Variants in FBXO8 observed in about 807,000 individuals in gnomAD.
FBXO8 encodes the protein F-box only protein 8.
In FBXO8, 15 loss-of-function variants were observed where a neutral mutation model predicts 33.4. The observed-to-expected ratio is 0.45, with a 90% CI of 0.30 to 0.69. The LOEUF (loss-of-function observed/expected upper bound fraction) is 0.69, where lower values mean the gene tolerates loss of function less well. FBXO8 is among the 30% of genes least tolerant of loss of function. The pLI is 0.08. For synonymous variants in FBXO8, 132 were observed against 131.5 expected (o/e 1.00, Z -0.02); for missense variants, 274 against 380.3 (o/e 0.72, Z 2.32).
rs1421662308 is a variant in FBXO8 at position 174,270,395 on chromosome 4, T to G, written c.-8-7295A>C. 6.6e-6 allele frequency among the ~76,000 whole-genome samples: 1 copy of G among 152,124 alleles called. No individual in the cohort carries two copies. The highest frequency in any genetic ancestry group is 2.4e-5 in the African/African-American group (1 of 41,408). ...TATTTATCTAGAAGACTGCATAAAG[T>G]TTCCTACTTAGCTAAAGGTCCTTTT... On this transcript the variant is annotated intron_variant, in intron 1 of 5. Coordinates refer to ENST00000393674, the MANE Select transcript of FBXO8 (RefSeq NM_012180.3). This position sits in a 1 kb window ranked among gnomAD's most constrained non-coding sequence, Gnocchi z 4.6.
chr4:174,248,073 CAGA>C (rs963757560), intron 3 of FBXO8, among the ~76,000 whole-genome samples: 12 of 151,972 alleles, frequency 7.9e-5, no homozygotes, highest in Admixed American at 2.0e-4. Flanking sequence ...GAAATAAGCG[CAGA>C]AGATTTCTTA....
In FBXO8 at chr4:174,254,111, A is replaced by T. The variant is rs377021293; in HGVS notation, c.456+5588T>A. Among the ~76,000 whole-genome samples, 3 of 152,222 alleles carry T rather than the reference A, an allele frequency of 2.0e-5. No individual in the cohort carries two copies. In the East Asian group the frequency reaches 5.8e-4, roughly 29 times the overall value. ...CATACAGGGAGAAGTGGGTACTGCA[A>T]GAAGCCAGTCATAAAATGTGGAACA... On this transcript the variant is annotated intron_variant, in intron 3 of 5. Coordinates refer to ENST00000393674, the MANE Select transcript of FBXO8 (RefSeq NM_012180.3). The surrounding 1 kb of genome is among the most constrained non-coding windows in gnomAD (Gnocchi z 4.2).
chr4:174,279,967 G>C (rs1737041220), intron 1 of FBXO8, among the ~76,000 whole-genome samples: 1 of 151,790 alleles, frequency 6.6e-6, no homozygotes, highest in South Asian at 2.1e-4. Flanking sequence ...AAATGCACAA[G>C]CAACAAAAGA....
In FBXO8 at chr4:174,262,807, A is replaced by G; in HGVS notation, c.286T>C (p.Cys96Arg). The G allele has an allele frequency of 3.1e-6, 5 of 1,614,000 alleles. No individual in the cohort carries two copies. The highest frequency in any genetic ancestry group is 3.4e-6 in the Non-Finnish European group (4 of 1,179,910). The change falls in exon 2 of 6, where the codon TGT becomes CGT. Residue 96 changes from cysteine (C) to arginine (R), a missense_variant. Cys to Arg is a radical substitution (Grantham distance 180, BLOSUM62 -3). This residue lies in a region of FBXO8 where 186 missense variants were observed against 293.4 expected (regional missense o/e 0.63). Transcript: ENST00000393674. This position sits in a 1 kb window ranked among gnomAD's most constrained non-coding sequence, Gnocchi z 4.6. ...LNATDLCLAS[C>R]VWQDLANDEL... is the part of the protein sequence containing the mutation. ...TCATTCGCAAGGTCCTGCCAAACAC[A>G]TGAAGCCAAGCAAAGGTCAGTTGCA...
Position 174,251,449 on chromosome 4 carries a change from G to A in FBXO8, c.456+8250C>T, listed in dbSNP as rs1232545483. Among the ~76,000 whole-genome samples the A allele has an allele frequency of 6.6e-6, 1 of 152,130 alleles. No individual in the cohort carries two copies. The highest frequency in any genetic ancestry group is 1.5e-5 in the Non-Finnish European group (1 of 68,008). On this transcript the variant is annotated intron_variant, in intron 3 of 5. Transcript: ENST00000393674. This position sits in a 1 kb window ranked among gnomAD's most constrained non-coding sequence, Gnocchi z 4.2. ...CTGATTCTACACCACATGTTGGAGT[G>A]ACTCTGGGAGAAAAGGGAAAAGGAG...
rs139434883 is a variant in FBXO8 at position 174,253,601 on chromosome 4, G to A, written c.456+6098C>T. On this transcript the variant is annotated intron_variant, in intron 3 of 5. Transcript: ENST00000393674. The surrounding 1 kb of genome is among the most constrained non-coding windows in gnomAD (Gnocchi z 4.5). ...CACTAGTTAAAATGGCGTTACAGAT[G>A]CTTGGATGCCTTAACAAAGGCCATT... Among the ~76,000 whole-genome samples, 407 of 152,290 alleles carry A rather than the reference G, an allele frequency of 2.7e-3. No individual in the cohort carries two copies. The highest frequency in any genetic ancestry group is 9.5e-3 in the African/African-American group (395 of 41,564).
intron 3 of FBXO8, among the ~76,000 whole-genome samples, chr4:174,244,487 TTAATC>T (rs892455014): frequency 3.3e-5 from 5 of 151,698 alleles, no homozygotes; most frequent in African/African-American, 4.8e-5. Flanking sequence ...ATTTGACCGT[TTAATC>T]TATACACATT....
rs113313634 is a variant in FBXO8, at chr4:174,236,923, G to C, written c.*489C>G. On this transcript the variant is annotated 3_prime_UTR_variant, in exon 6 of 6. Coordinates refer to ENST00000393674, the MANE Select transcript of FBXO8 (RefSeq NM_012180.3). ...GTCTGAAGTCAGATCTAACTTTTACGAAGACAATAGTTTCAGATCAGAATC... is the reference window on the plus strand; with the variant it reads ...GTCTGAAGTCAGATCTAACTTTTACCAAGACAATAGTTTCAGATCAGAATC... 6.6e-6 allele frequency: 1 copy of C among 152,066 alleles called. No homozygotes were observed. Among genetic ancestry groups the C allele is most frequent in the South Asian group, 2.1e-4 (1 of 4,832 alleles). 9.4% of individuals were successfully genotyped at this position (152,066 alleles called of 1,614,324 possible).
chr4:174,274,667 T>C lies in FBXO8; in HGVS notation c.-9+8743A>G, dbSNP rs753283651. 2.0e-5 allele frequency among the ~76,000 whole-genome samples: 3 copies of C among 152,206 alleles called. No homozygotes were observed. Among genetic ancestry groups the C allele is most frequent in the Non-Finnish European group, 4.4e-5 (3 of 68,038 alleles). ...ATAGGTTACATGAATAAACCCAGTA[T>C]CAAACACAGTGCCTTGGCATATAAA... is the stretch of plus-strand genomic sequence containing the variant. On this transcript the variant is annotated intron_variant, in intron 1 of 5. Coordinates refer to ENST00000393674, the MANE Select transcript of FBXO8 (RefSeq NM_012180.3). This position sits in a 1 kb window ranked among gnomAD's most constrained non-coding sequence, Gnocchi z 4.0.
At position 174,278,638 on chromosome 4, in the gene FBXO8, G is replaced by A. The variant is rs930568879; in HGVS notation, c.-9+4772C>T. Reference sequence around the variant, plus strand: ...GTATCACTATTTACTTAAAGTGGCTGTAATCAGCTGTAGTCATGGTAGCAT... The same window carrying A: ...GTATCACTATTTACTTAAAGTGGCTATAATCAGCTGTAGTCATGGTAGCAT... On this transcript the variant is annotated intron_variant, in intron 1 of 5. Transcript: ENST00000393674. This position sits in a 1 kb window ranked among gnomAD's most constrained non-coding sequence, Gnocchi z 4.1. Among the ~76,000 whole-genome samples the A allele has an allele frequency of 7.2e-5, 11 of 152,000 alleles. No homozygotes were observed. The highest frequency in any genetic ancestry group is 2.7e-4 in the African/African-American group (11 of 41,418).
chr4:174,277,275 A>G lies in FBXO8; in HGVS notation c.-9+6135T>C, dbSNP rs1369291721. 6.6e-6 allele frequency among the ~76,000 whole-genome samples: 1 copy of G among 152,158 alleles called. No homozygotes were observed. The highest frequency in any genetic ancestry group is 1.9e-4 in the East Asian group (1 of 5,204). ...TCAAAATAGTAGACTATTTCTTAAA[A>G]AGACTAAAATACAAGTTTTATTAAT... On this transcript the variant is annotated intron_variant, in intron 1 of 5. Coordinates refer to ENST00000393674, the MANE Select transcript of FBXO8 (RefSeq NM_012180.3). This position sits in a 1 kb window ranked among gnomAD's most constrained non-coding sequence, Gnocchi z 4.9.
rs1014569102 is a variant in FBXO8 at position 174,281,891 on chromosome 4, T to A, written c.-9+1519A>T. 2.0e-5 allele frequency among the ~76,000 whole-genome samples: 3 copies of A among 152,198 alleles called. No homozygotes were observed. Among genetic ancestry groups the A allele is most frequent in the African/African-American group, 4.8e-5 (2 of 41,450 alleles). ...TTAAAAAATTATTTAAGTAAAATAA[T>A]TCAAGAAAAAGAAACAGAAATTAAA... On this transcript the variant is annotated intron_variant, in intron 1 of 5. Transcript: ENST00000393674. The surrounding 1 kb of genome is among the most constrained non-coding windows in gnomAD (Gnocchi z 4.6).
At chr4:174,239,494 T>A (rs1225984800) in intron 4 of FBXO8, among the ~76,000 whole-genome samples, 5 of 151,932 alleles carry the variant, frequency 3.3e-5, no homozygotes, top group Non-Finnish European at 7.4e-5. Context: ...AATTTCTTTT[T>A]AAGTGCCTTC....
intron 3 of FBXO8, among the ~76,000 whole-genome samples, chr4:174,242,957 C>T (rs1736074044): frequency 6.6e-6 from 1 of 151,334 alleles, no homozygotes; most frequent in East Asian, 1.9e-4. Context: ...TTATTCATAC[C>T]TAAATCAGTA....
At chr4:174,260,438 G>A (rs1034730622) in intron 2 of FBXO8, among the ~76,000 whole-genome samples, 19 of 151,968 alleles carry the variant, frequency 1.3e-4, no homozygotes, top group Non-Finnish European at 2.4e-4. Context: ...AATAATACAC[G>A]TTACAACAGA....
In FBXO8 at chr4:174,274,271, ATTC is replaced by A. The variant is rs1161400065; in HGVS notation, c.-9+9136_-9+9138del. ...GATTAGCCTGTGATTTCTGATCCTC[ATTC>A]TTCTCATTAGTAAAATAACGGATAA... On this transcript the variant is annotated intron_variant, in intron 1 of 5. Transcript: ENST00000393674. This position sits in a 1 kb window ranked among gnomAD's most constrained non-coding sequence, Gnocchi z 4.0. Among the ~76,000 whole-genome samples the A allele has an allele frequency of 6.6e-6, 1 of 152,218 alleles. No individual in the cohort carries two copies. The highest frequency in any genetic ancestry group is 1.5e-5 in the Non-Finnish European group (1 of 68,034).
rs1736322210 is a variant in FBXO8, at chr4:174,252,682, G to A, written c.456+7017C>T. On this transcript the variant is annotated intron_variant, in intron 3 of 5. Coordinates refer to ENST00000393674, the MANE Select transcript of FBXO8 (RefSeq NM_012180.3). This position sits in a 1 kb window ranked among gnomAD's most constrained non-coding sequence, Gnocchi z 5.1. ...ACACACACACACACACACACGCACAGACAATACTACCTCTTTGTGTCTCTT... is the reference window on the plus strand; with the variant it reads ...ACACACACACACACACACACGCACAAACAATACTACCTCTTTGTGTCTCTT... Among the ~76,000 whole-genome samples, 1 of 151,686 alleles carries A rather than the reference G, an allele frequency of 6.6e-6. No individual in the cohort carries two copies. Among genetic ancestry groups the A allele is most frequent in the African/African-American group, 2.4e-5 (1 of 41,310 alleles).
Position 174,278,105 on chromosome 4 carries a change from G to A in FBXO8, c.-9+5305C>T, listed in dbSNP as rs895860270. Among the ~76,000 whole-genome samples the A allele has an allele frequency of 6.6e-6, 1 of 151,948 alleles. No individual in the cohort carries two copies. Among genetic ancestry groups the A allele is most frequent in the African/African-American group, 2.4e-5 (1 of 41,396 alleles). On this transcript the variant is annotated intron_variant, in intron 1 of 5. Coordinates refer to ENST00000393674, the MANE Select transcript of FBXO8 (RefSeq NM_012180.3). The surrounding 1 kb of genome is among the most constrained non-coding windows in gnomAD (Gnocchi z 4.1). ...ATTTTTTAAAAAAGAAAAAAACCCT[G>A]ATAACCAATCACATCCCTAAAATTT...
At chr4:174,239,990 G>C (rs1305413954) in intron 4 of FBXO8, among the ~76,000 whole-genome samples, 1 of 151,514 alleles carries the variant, frequency 6.6e-6, no homozygotes, top group Admixed American at 6.6e-5. Flanking sequence ...GCCAGATCTG[G>C]CCTGCTGCCT....
Sources: gnomAD v4.1 joint callset for allele counts (sites outside exome capture counted in the v4.1 genomes callset) on GRCh38, gnomAD v4.1.1 for gene constraint, gnomAD v4.1.1 regional missense constraint, Gnocchi (gnomAD v3.1) non-coding constraint, MANE v1.5 for transcripts, NCBI Gene and HGNC (gene_info 2026-07-23, HGNC 2026-07-21) for gene names.